FMO5: variants seen among roughly 807,000 people sequenced by gnomAD.
The protein encoded by FMO5 is flavin-containing monooxygenase 5.
A neutral mutation model predicts 43.6 loss-of-function variants in FMO5; 51 were observed. The ratio of observed to expected loss-of-function variants is 1.17; its 90% CI spans 0.93 to 1.48. The LOEUF (loss-of-function observed/expected upper bound fraction) is 1.48. FMO5 is among the 40% of genes most tolerant of loss of function. FMO5 has a pLI of 0.00. For missense variants in FMO5, 644 were observed against 643.0 expected (o/e 1.00, Z -0.02); for synonymous variants, 187 against 216.5 (o/e 0.86, Z 1.20).
chr1:147,205,942 T>A (rs2101884860), intron 6 of FMO5, among the ~76,000 whole-genome samples: 1 of 152,190 alleles, frequency 6.6e-6, no homozygotes, highest in East Asian at 1.9e-4. Context: ...AAAGAGCTTC[T>A]GCACAGCAAA....
At position 147,203,136 on chromosome 1, in the gene FMO5, A is replaced by G. The variant is rs1353737065; in HGVS notation, c.831-1632T>C. On this transcript the variant is annotated intron_variant, in intron 6 of 8. Transcript: ENST00000254090. ...TTCCTTTTTTTTTTTTGACAGTAAC[A>G]ATATGTTTATTATAACATCCAGCCA... The G allele has an allele frequency of 8.0e-6, 4 of 498,512 alleles. No individual in the cohort carries two copies. In the Admixed American group the frequency reaches 1.1e-4, roughly 14 times the overall value. The allele number at this position is 498,512 out of a possible 1,614,324, so 30.9% of individuals were successfully genotyped here. A position where few individuals can be genotyped will look rare whatever the true frequency, so the allele number is the denominator to read the frequency against.
chr1:147,195,217 T>C (rs1657751884), intron 7 of FMO5, among the ~76,000 whole-genome samples: 1 of 152,178 alleles, frequency 6.6e-6, no homozygotes, highest in Non-Finnish European at 1.5e-5. Context: ...CTTTTTATTC[T>C]TTTTTCTCTA....
intron 6 of FMO5, among the ~76,000 whole-genome samples, chr1:147,206,905 C>T (rs868909030): frequency 2.0e-5 from 3 of 151,766 alleles, no homozygotes; most frequent in African/African-American, 7.3e-5. Flanking sequence ...GCACGTTGTG[C>T]ACATGTACCC....
intron 5 of FMO5, chr1:147,211,179 T>G (rs1318128281): frequency 2.6e-5 from 4 of 152,166 alleles, no homozygotes; most frequent in African/African-American, 9.7e-5. Flanking sequence ...CACACAGAAA[T>G]GCTTTGTTAT....
chr1:147,196,612 T>A (rs1658056239), intron 7 of FMO5, among the ~76,000 whole-genome samples: 1 of 152,138 alleles, frequency 6.6e-6, no homozygotes, highest in South Asian at 2.1e-4. Flanking sequence ...TAAAAAATTT[T>A]AAAAAGATGT....
chr1:147,203,130 A>G (rs111965029), intron 6 of FMO5: 1 of 335,380 alleles, frequency 3.0e-6, no homozygotes, highest in Non-Finnish European at 5.1e-6. Context: ...TTTTTTTGAC[A>G]GTAACAATAT....
At chr1:147,191,243 C>T (rs182251583) in intron 7 of FMO5, among the ~76,000 whole-genome samples, 5,590 of 152,076 alleles carry the variant, frequency 0.037, 156 homozygotes, top group South Asian at 0.094. Context: ...GTTCTAGATT[C>T]CTGAGGAATC....
intron 7 of FMO5, 70 bp from the exon 8 acceptor site, chr1:147,190,319 C>T (rs1656468262): frequency 1.0e-6 from 1 of 977,988 alleles, no homozygotes; most frequent in Non-Finnish European, 1.6e-6. Context: ...TAAACAATTA[C>T]TATGCTATGG....
chr1:147,186,972 C>T lies in FMO5; in HGVS notation c.1530G>A (p.Met510Ile), dbSNP rs781868437. 6 of 1,614,174 alleles carry T rather than the reference C, an allele frequency of 3.7e-6. No homozygotes were observed. In the East Asian group the frequency reaches 8.9e-5, roughly 24 times the overall value. ...MTRVVERSSS[M>I]TSTMTIGKFM... The stretch of plus-strand genomic sequence containing the variant: ...ACTTGCCTATTGTCATTGTTGAAGT[C>T]ATAGAACTACTCCTTTCAACTACTC... The change falls in exon 9 of 9, where the codon ATG (methionine) becomes ATA (isoleucine). Residue 510 changes from methionine to isoleucine, a missense_variant. Transcript: ENST00000254090.
intron 7 of FMO5, among the ~76,000 whole-genome samples, chr1:147,200,819 T>G (rs1436138302): frequency 2.6e-5 from 4 of 152,204 alleles, no homozygotes; most frequent in African/African-American, 9.7e-5. Context: ...AAAATCTAGA[T>G]GAGTAAATTC....
chr1:147,217,236 T>C (rs1168323810), intron 2 of FMO5, among the ~76,000 whole-genome samples: 1 of 17,444 alleles, frequency 5.7e-5, no homozygotes, highest in East Asian at 8.5e-3. Flanking sequence ...CAAAACTCCG[T>C]CTACAAAAAA....
rs78239378 is a variant in FMO5 at position 147,197,810 on chromosome 1, C to A, written c.1183+3342G>T. On this transcript the variant is annotated intron_variant, in intron 7 of 8. Coordinates refer to ENST00000254090, the MANE Select transcript of FMO5 (RefSeq NM_001461.4). Reference sequence around the variant, plus strand: ...GTCTTCCTTGCTTGGCTCTGCATTCCAGAAAGATAGGGATTTTCTGTATGG... The same window carrying A: ...GTCTTCCTTGCTTGGCTCTGCATTCAAGAAAGATAGGGATTTTCTGTATGG... Among the ~76,000 whole-genome samples, 1,505 of 152,260 alleles carry A rather than the reference C, an allele frequency of 9.9e-3. 30 individuals are homozygous for A. The highest frequency in any genetic ancestry group is 0.034 in the African/African-American group (1,431 of 41,536).
At chr1:147,223,208 T>C (rs1468786231) in intron 2 of FMO5, among the ~76,000 whole-genome samples, 1 of 152,190 alleles carries the variant, frequency 6.6e-6, no homozygotes, top group East Asian at 1.9e-4. Context: ...TGTGGCTGGA[T>C]TTTAAGAGCA....
In FMO5 at chr1:147,186,395, G is replaced by C; in HGVS notation, c.*505C>G. 1 of 887,368 alleles carries C rather than the reference G, an allele frequency of 1.1e-6. No individual in the cohort carries two copies. The highest frequency in any genetic ancestry group is 1.2e-4 in the East Asian group (1 of 8,356). 55.0% of individuals were successfully genotyped at this position (887,368 alleles called of 1,614,324 possible). A position where few individuals can be genotyped will look rare whatever the true frequency, so the allele number is the denominator to read the frequency against. On this transcript the variant is annotated 3_prime_UTR_variant, in exon 9 of 9. Transcript: ENST00000254090. The stretch of plus-strand genomic sequence containing the variant: ...TTAAGCATCTATATGTCTTATCTTA[G>C]ATACATACAACTATTGTAGGAACAT...
At chr1:147,203,211 C>G (rs868995355) in intron 6 of FMO5, 6 of 848,696 alleles carry the variant, frequency 7.1e-6, no homozygotes, top group Non-Finnish European at 9.3e-6. Flanking sequence ...AAGAAAACAT[C>G]ACGCGATTCT....
At chr1:147,209,843 C>T (rs1362835778) in intron 5 of FMO5, 1 of 152,188 alleles carries the variant, frequency 6.6e-6, no homozygotes, top group Non-Finnish European at 1.5e-5. Flanking sequence ...ACCATTTAAT[C>T]TAAAACCCTC....
At position 147,187,064 on chromosome 1, in the gene FMO5, T is replaced by A; in HGVS notation, c.1438A>T (p.Lys480Ter). Residue 480 changes from lysine to a stop codon, truncating the protein, a stop_gained, in exon 9 of 9, where the codon AAG becomes TAG. Coordinates refer to ENST00000254090, the MANE Select transcript of FMO5 (RefSeq NM_001461.4). LOFTEE classifies it low-confidence loss of function (END_TRUNC). ...PIHYRVQGPG[K>*]WDGARKAILT... ...ATAGCTTTTCGAGCCCCATCCCACTTTCCAGGGCCCTGTACACGATAGTGG... is the reference window on the plus strand; with the variant it reads ...ATAGCTTTTCGAGCCCCATCCCACTATCCAGGGCCCTGTACACGATAGTGG... The A allele has an allele frequency of 6.2e-7, 1 of 1,614,156 alleles. No homozygotes were observed.
At chr1:147,188,968 A>G (rs1339041452) in intron 8 of FMO5, among the ~76,000 whole-genome samples, 1 of 152,176 alleles carries the variant, frequency 6.6e-6, no homozygotes, top group African/African-American at 2.4e-5. Flanking sequence ...AGTTGGTCAC[A>G]GGTGACCTTT....
chr1:147,205,975 A>G (rs1415769508), intron 6 of FMO5, among the ~76,000 whole-genome samples: 2 of 152,158 alleles, frequency 1.3e-5, no homozygotes, highest in Non-Finnish European at 2.9e-5. Flanking sequence ...CAAAGTGAAC[A>G]GGCAACCTAT....
Sources: allele counts gnomAD v4.1 joint callset (sites outside exome capture counted in the v4.1 genomes callset), GRCh38; gene constraint gnomAD v4.1.1; transcripts MANE v1.5; gene names NCBI Gene and HGNC (gene_info 2026-07-23, HGNC 2026-07-21).